The following KLF13 variants were observed in gnomAD, a reference collection of about 807,000 sequenced individuals.
KLF13 encodes the protein Krueppel-like factor 13.
Under a neutral mutation model 16.7 loss-of-function variants are expected in KLF13, and 8 were observed. That is an observed-to-expected ratio of 0.48 (90% CI 0.28 to 0.87). KLF13 has a LOEUF of 0.87. Ranked by LOEUF, KLF13 falls within the 40% of genes least tolerant of loss-of-function variation. KLF13 has a pLI of 0.10. For missense variants in KLF13, 447 were observed against 452.2 expected, an observed-to-expected ratio of 0.99 and a Z score of 0.10; for synonymous variants, 245 against 208.4, an observed-to-expected ratio of 1.18 and a Z score of -1.51.
chr15:31,357,670 C>G (rs1200051187), intron 1 of KLF13, among the ~76,000 whole-genome samples: 2 of 152,128 alleles, frequency 1.3e-5, no homozygotes, highest in Non-Finnish European at 2.9e-5. Context: ...TCCAGAGCTC[C>G]CTCCTGTGTA....
intron 1 of KLF13, among the ~76,000 whole-genome samples, chr15:31,416,298 A>G (rs1173731441): frequency 6.6e-6 from 1 of 152,178 alleles, no homozygotes; most frequent in East Asian, 1.9e-4. Context: ...CCAACTCATT[A>G]TGAAGCCATT....
At chr15:31,383,226 C>A (rs1192632530) in intron 1 of KLF13, among the ~76,000 whole-genome samples, 1 of 152,234 alleles carries the variant, frequency 6.6e-6, no homozygotes, top group Non-Finnish European at 1.5e-5. Flanking sequence ...CATAAACACA[C>A]TCCAGTGGGT....
intron 1 of KLF13, among the ~76,000 whole-genome samples, chr15:31,334,169 A>G (rs1175322104): frequency 1.3e-5 from 2 of 152,246 alleles, no homozygotes; most frequent in Non-Finnish European, 2.9e-5. Flanking sequence ...TTCCCCAAAC[A>G]GACAAGACAC....
chr15:31,330,731 C>A (rs1440689942), intron 1 of KLF13, among the ~76,000 whole-genome samples: 3 of 152,226 alleles, frequency 2.0e-5, no homozygotes, highest in Non-Finnish European at 2.9e-5. Context: ...ACACATTGGT[C>A]TCTGTCACAT....
At chr15:31,406,902 G>A (rs80192044), downstream of KLF13, among the ~76,000 whole-genome samples, 227 of 152,108 alleles carry the variant, frequency 1.5e-3, 1 homozygote, top group African/African-American at 5.1e-3. Flanking sequence ...TGGCCCTCTC[G>A]CCTCCCTCTT....
At chr15:31,366,023 G>A (rs1253782385) in intron 1 of KLF13, 1 of 152,174 alleles carries the variant, frequency 6.6e-6, no homozygotes. Flanking sequence ...CTCCGCTCGC[G>A]GCCTCGCTGT....
Position 31,371,966 on chromosome 15 carries a change from C to T in KLF13, c.578-44C>T, listed in dbSNP as rs745756210. 2.0e-4 allele frequency: 315 copies of T among 1,539,974 alleles called. 1 individual carries two copies. The East Asian group carries it at 2.5e-3, about 12-fold the overall frequency. ...CCCTTCCCCAGAGAGGGTGTGAAGG[C>T]GGGGCCAGGTGCGGATACTGATGCT... is the stretch of plus-strand genomic sequence containing the variant. On this transcript the variant is annotated intron_variant, in intron 1 of 1. Transcript: ENST00000307145.
At chr15:31,385,051 G>C (rs1214721199) in intron 1 of KLF13, among the ~76,000 whole-genome samples, 1 of 152,180 alleles carries the variant, frequency 6.6e-6, no homozygotes, top group Non-Finnish European at 1.5e-5. Context: ...TTCACAAGAA[G>C]AGATGTGAGA....
At chr15:31,329,323 T>G in intron 1 of KLF13, among the ~76,000 whole-genome samples, 1 of 113,946 alleles carries the variant, frequency 8.8e-6, no homozygotes, top group African/African-American at 3.5e-5. Flanking sequence ...GGATCCTGAG[T>G]ATCGGGTGGG....
intron 2 of KLF13, among the ~76,000 whole-genome samples, chr15:31,399,145 G>GA (rs2039998255): frequency 6.6e-6 from 1 of 152,168 alleles, no homozygotes; most frequent in African/African-American, 2.4e-5. Context: ...AGCTCCCTCT[G>GA]AAAACAAGGG....
intron 1 of KLF13, among the ~76,000 whole-genome samples, chr15:31,346,069 C>T (rs1171757828): frequency 6.6e-6 from 1 of 152,102 alleles, no homozygotes; most frequent in Non-Finnish European, 1.5e-5. Context: ...ATGCCTGCCT[C>T]ACGCTGAGAT....
chr15:31,389,999 G>A (rs2039839855), upstream of KLF13, among the ~76,000 whole-genome samples: 1 of 152,132 alleles, frequency 6.6e-6, no homozygotes, highest in Non-Finnish European at 1.5e-5. Flanking sequence ...GCTTTACAGT[G>A]GAAGTTGAAT....
chr15:31,379,665 G>A (rs1367060495), downstream of KLF13, among the ~76,000 whole-genome samples: 1 of 152,226 alleles, frequency 6.6e-6, no homozygotes, highest in East Asian at 1.9e-4. Flanking sequence ...TGGCATGCGT[G>A]TAGCACATTT....
rs142906968 is a variant in KLF13, at chr15:31,419,713, G to A, written n.118-15657G>A. Among the ~76,000 whole-genome samples the A allele has an allele frequency of 3.2e-3, 492 of 152,288 alleles. 1 individual carries two copies. The highest frequency in any genetic ancestry group is 0.01 in the Middle Eastern group (3 of 294). On this transcript the variant is annotated intron_variant and non_coding_transcript_variant, in intron 1 of 1. Transcript: ENST00000558225. ...GCCTATCAATATACATGTTATAGGA[G>A]TTAAAAAGAAGAAAGAGAGCAAAGG... is the stretch of plus-strand genomic sequence containing the variant.
At chr15:31,339,822 C>T (rs2038991521) in intron 1 of KLF13, 7 of 639,702 alleles carry the variant, frequency 1.1e-5, no homozygotes, top group Admixed American at 2.2e-5. Context: ...TCCCGCCCCC[C>T]GCCTGCTGTC....
chr15:31,362,760 A>AGG (rs2039408900), intron 1 of KLF13, among the ~76,000 whole-genome samples: 1 of 152,064 alleles, frequency 6.6e-6, no homozygotes, highest in African/African-American at 2.4e-5. Flanking sequence ...CTACTTTCCT[A>AGG]GGGACCCTCT....
chr15:31,331,192 C>T (rs776851834), intron 1 of KLF13, among the ~76,000 whole-genome samples: 3 of 152,260 alleles, frequency 2.0e-5, no homozygotes, highest in Non-Finnish European at 4.4e-5. Flanking sequence ...AAACATCTCT[C>T]TGCATGCTGG....
intron 1 of KLF13, among the ~76,000 whole-genome samples, chr15:31,338,430 A>G (rs1222571896): frequency 1.3e-5 from 2 of 152,248 alleles, no homozygotes; most frequent in African/African-American, 4.8e-5. Flanking sequence ...TTCCACTGGA[A>G]GTAACCCAGT....
intron 1 of KLF13, among the ~76,000 whole-genome samples, chr15:31,340,654 G>A (rs1435389991): frequency 3.9e-5 from 6 of 152,288 alleles, no homozygotes; most frequent in East Asian, 1.9e-4. Context: ...AGCACTTTGG[G>A]AGGCTGAGGC....
Sources: gnomAD v4.1 joint callset for allele counts (sites outside exome capture counted in the v4.1 genomes callset) on GRCh38, gnomAD v4.1.1 for gene constraint, MANE v1.5 for transcripts, NCBI Gene and HGNC (gene_info 2026-07-23, HGNC 2026-07-21) for gene names.